Variants in BRD1 observed in about 807,000 individuals in gnomAD.
BRD1 encodes the protein bromodomain containing 1.
A neutral mutation model predicts 107.7 loss-of-function variants in BRD1; 24 were observed. The ratio of observed to expected loss-of-function variants is 0.22; its 90% CI spans 0.16 to 0.31. BRD1 has a LOEUF of 0.31. Ranked by LOEUF, BRD1 falls within the 10% of genes least tolerant of loss-of-function variation. The pLI is 1.00. For synonymous variants in BRD1, 744 were observed against 686.1 expected (o/e 1.08, Z -1.32); for missense variants, 1,279 against 1,638.6 (o/e 0.78, Z 3.79).
Position 49,773,547 on chromosome 22 carries a change from A to G in BRD1, c.*686T>C, listed in dbSNP as rs2059027298. The G allele has an allele frequency of 6.6e-6, 1 of 152,666 alleles. No individual in the cohort carries two copies. Among genetic ancestry groups the G allele is most frequent in the Non-Finnish European group, 1.5e-5 (1 of 68,038 alleles). The allele number at this position is 152,666 out of a possible 1,614,324, so 9.5% of individuals were successfully genotyped here. ...CACACAGGCCAGAGTCATTTATACA[A>G]TGCAATGCATTCTGCTCCCAAGCCA... On this transcript the variant is annotated 3_prime_UTR_variant, in exon 13 of 13. Coordinates refer to ENST00000404760, the MANE Select transcript of BRD1 (RefSeq NM_001304808.3).
intron 8 of BRD1, among the ~76,000 whole-genome samples, chr22:49,781,469 C>T (rs577803586): frequency 3.9e-5 from 6 of 152,252 alleles, no homozygotes; most frequent in Non-Finnish European, 7.3e-5. Context: ...AGGCTCCCAG[C>T]CCCCAACCCA....
intron 6 of BRD1, among the ~76,000 whole-genome samples, chr22:49,795,416 C>T (rs2059512051): frequency 6.6e-6 from 1 of 152,174 alleles, no homozygotes; most frequent in Non-Finnish European, 1.5e-5. Context: ...CAGGACTTCT[C>T]ATCCTTCATT....
At chr22:49,802,887 G>A (rs2059667936) in intron 3 of BRD1, among the ~76,000 whole-genome samples, 1 of 152,238 alleles carries the variant, frequency 6.6e-6, no homozygotes, top group Non-Finnish European at 1.5e-5. Flanking sequence ...TCATTCAACA[G>A]CCAAAAGACA....
rs1309709108 is a variant in BRD1 at position 49,774,153 on chromosome 22, A to G, written c.*80T>C. On this transcript the variant is annotated 3_prime_UTR_variant, in exon 13 of 13. Transcript: ENST00000404760. Reference sequence around the variant, plus strand: ...TAAAGAGCTATAACTAAAAATCAGAATAAGTTAAGTTTTGAACAATATACA... The same window carrying G: ...TAAAGAGCTATAACTAAAAATCAGAGTAAGTTAAGTTTTGAACAATATACA... 7.6e-6 allele frequency: 11 copies of G among 1,444,284 alleles called. No homozygotes were observed. The highest frequency in any genetic ancestry group is 2.5e-5 in the Admixed American group (1 of 39,822). 89.5% of individuals were successfully genotyped at this position (1,444,284 alleles called of 1,614,324 possible).
intron 12 of BRD1, 136 bp downstream of exon 12, chr22:49,775,455 G>A (rs1473586614): frequency 6.9e-6 from 6 of 863,896 alleles, no homozygotes; most frequent in Non-Finnish European, 9.5e-6. Context: ...AAACAGCGGA[G>A]CACTCACCTC....
Position 49,787,595 on chromosome 22 carries a change from G to A in BRD1, c.2652C>T (p.Leu884=). ...GGCTTACACTTTTCGATTTGCAGAAGAGAACAGAAGTGCGTCTGTTTACAT... is the reference window on the plus strand; with the variant it reads ...GGCTTACACTTTTCGATTTGCAGAAAAGAACAGAAGTGCGTCTGTTTACAT... ...ASDVNRRTSV[L]FCKSKSVSPP... is the part of the protein sequence containing the mutation. Residue 884 remains leucine (L), a synonymous_variant, in exon 8 of 13, where the codon CTC becomes CTT. Coordinates refer to ENST00000404760, the MANE Select transcript of BRD1 (RefSeq NM_001304808.3). The A allele has an allele frequency of 6.4e-7, 1 of 1,557,488 alleles. No individual in the cohort carries two copies. The highest frequency in any genetic ancestry group is 8.7e-7 in the Non-Finnish European group (1 of 1,150,214).
rs1335851965 is a variant in BRD1 at position 49,777,698 on chromosome 22, G to A, written c.2973C>T (p.Asn991=). 6.2e-7 allele frequency: 1 copy of A among 1,608,270 alleles called. No individual in the cohort carries two copies. The part of the protein sequence containing the change: ...CASESSISSS[N]SPLCDSSFNA... ...CCCACCTCGAGTCGCAGAGCGGGCT[G>A]TTGCTGGAGGAGATGCTGGACTCGG... Residue 991 remains asparagine (N), a synonymous_variant, in exon 9 of 13, where the codon AAC becomes AAT. Transcript: ENST00000404760.
chr22:49,798,817 C>A, intron 4 of BRD1, 131 bp from the exon 5 acceptor site: 1 of 1,433,830 alleles, frequency 7.0e-7, no homozygotes. Context: ...AACGCAGCCT[C>A]CACTTAGGGC....
At chr22:49,806,316 C>T (rs2147224249) in intron 2 of BRD1, 1 of 152,358 alleles carries the variant, frequency 6.6e-6, no homozygotes, top group African/African-American at 2.4e-5. Context: ...CAACAGCCCA[C>T]AAGTTGTGAG....
chr22:49,797,678 A>G, intron 6 of BRD1, 127 bp downstream of exon 6: 10 of 882,144 alleles, frequency 1.1e-5, no homozygotes, highest in Non-Finnish European at 1.6e-5. Context: ...GAAAATGTAA[A>G]TGATGTATGC....
chr22:49,824,336 A>G lies in BRD1; in HGVS notation c.-14-5T>C, dbSNP rs371044207. 3.7e-6 allele frequency: 6 copies of G among 1,609,464 alleles called. No homozygotes were observed. The highest frequency in any genetic ancestry group is 5.1e-6 in the Non-Finnish European group (6 of 1,176,934). On this transcript the variant is annotated splice_region_variant and splice_polypyrimidine_tract_variant and intron_variant, in intron 1 of 12. Coordinates refer to ENST00000404760, the MANE Select transcript of BRD1 (RefSeq NM_001304808.3). The surrounding 1 kb of genome is among the most constrained non-coding windows in gnomAD (Gnocchi z 5.9). ...TCCTCATTTGGTAATGATTACCTAA[A>G]ATGAAGGCAAAAGTAAAGGTAATTC...
At chr22:49,810,350 C>A (rs148455524) in intron 2 of BRD1, among the ~76,000 whole-genome samples, 4 of 152,214 alleles carry the variant, frequency 2.6e-5, no homozygotes, top group Admixed American at 2.6e-4. Context: ...GAGACCCCAG[C>A]TCTTAAAATA....
intron 3 of BRD1, among the ~76,000 whole-genome samples, chr22:49,800,130 C>T (rs1469173911): frequency 1.3e-5 from 2 of 152,216 alleles, no homozygotes; most frequent in Non-Finnish European, 2.9e-5. Context: ...CTGCCCACCT[C>T]AGGGTACTGT....
chr22:49,825,814 G>A (rs2060141140), intron 1 of BRD1: 1 of 152,306 alleles, frequency 6.6e-6, no homozygotes, highest in Admixed American at 6.5e-5. Context: ...CAGACTTCAA[G>A]AGCACTTCTT....
chr22:49,819,294 C>T (rs1339243233), intron 2 of BRD1, among the ~76,000 whole-genome samples: 1 of 150,604 alleles, frequency 6.6e-6, no homozygotes, highest in Non-Finnish European at 1.5e-5. Context: ...GAAAAAATAA[C>T]AATAAATCAA....
intron 2 of BRD1, among the ~76,000 whole-genome samples, chr22:49,809,232 TG>T (rs2059803434): frequency 6.6e-6 from 1 of 152,020 alleles, no homozygotes; most frequent in Admixed American, 6.5e-5. Context: ...GTTGTCAATC[TG>T]GTTAAAAATT....
intron 7 of BRD1, among the ~76,000 whole-genome samples, chr22:49,791,419 C>T (rs1271220900): frequency 6.6e-6 from 1 of 152,236 alleles, no homozygotes. Flanking sequence ...AAACACAACA[C>T]ACAGACTGTT....
At position 49,804,297 on chromosome 22, in the gene BRD1, G is replaced by A. The variant is rs760467561; in HGVS notation, c.1431C>T (p.His477=). 1.2e-6 allele frequency: 2 copies of A among 1,610,794 alleles called. No individual in the cohort carries two copies. Among genetic ancestry groups the A allele is most frequent in the Non-Finnish European group, 1.7e-6 (2 of 1,178,560 alleles). The part of the protein sequence containing the change: ...QRKKQFVERA[H]SYWLLKRLSR... Reference sequence around the variant, plus strand: ...ACAGCCGCTTGAGCAGCCAGTAGCTGTGGGCTCGCTCCACAAACTGCTTCT... The same window carrying A: ...ACAGCCGCTTGAGCAGCCAGTAGCTATGGGCTCGCTCCACAAACTGCTTCT... The change falls in exon 3 of 13, where the codon CAC becomes CAT. Residue 477 remains histidine, a synonymous_variant. Coordinates refer to ENST00000404760, the MANE Select transcript of BRD1 (RefSeq NM_001304808.3).
In BRD1 at chr22:49,792,117, C is replaced by T. The variant is rs947194104; in HGVS notation, c.2359+1917G>A. ...CCATGCGAGGTCCTCAGTCCTGTGA[C>T]CCAATAACCGTGCGGGGTCCTCAGC... On this transcript the variant is annotated intron_variant, in intron 7 of 12. Transcript: ENST00000404760. This position sits in a 1 kb window ranked among gnomAD's most constrained non-coding sequence, Gnocchi z 4.2. Among the ~76,000 whole-genome samples, 1 of 152,054 alleles carries T rather than the reference C, an allele frequency of 6.6e-6. No individual in the cohort carries two copies. Among genetic ancestry groups the T allele is most frequent in the Non-Finnish European group, 1.5e-5 (1 of 68,010 alleles).
Sources: allele counts gnomAD v4.1 joint callset (sites outside exome capture counted in the v4.1 genomes callset), GRCh38; gene constraint gnomAD v4.1.1; non-coding constraint Gnocchi (gnomAD v3.1); transcripts MANE v1.5; gene names NCBI Gene and HGNC (gene_info 2026-07-23, HGNC 2026-07-21).